The following ARSB variants were observed in gnomAD, a reference collection of about 807,000 sequenced individuals.
The protein encoded by ARSB is arylsulfatase B.
Under a neutral mutation model 50.9 loss-of-function variants are expected in ARSB, and 41 were observed. That is an observed-to-expected ratio of 0.81 (90% CI 0.63 to 1.04). ARSB has a LOEUF of 1.04. ARSB is among the 50% of genes least tolerant of loss of function. The probability of loss-of-function intolerance (pLI) is 0.00; values close to 1 mark genes in which losing one functional copy is unlikely to be tolerated. For missense variants in ARSB, 672 were observed against 693.3 expected (o/e 0.97, Z 0.35); for synonymous variants, 269 against 284.8 (o/e 0.94, Z 0.56).
chr5:78,969,432 A>G (rs1313405067), intron 1 of ARSB, among the ~76,000 whole-genome samples: 1 of 152,204 alleles, frequency 6.6e-6, no homozygotes, highest in Non-Finnish European at 1.5e-5. Flanking sequence ...TTCAATATTT[A>G]TCAAGGCACT....
At chr5:78,980,488 T>C (rs1235152899) in intron 1 of ARSB, among the ~76,000 whole-genome samples, 1 of 152,204 alleles carries the variant, frequency 6.6e-6, no homozygotes, top group Admixed American at 6.5e-5. Context: ...CTAAATAAAC[T>C]ACAATGTATC....
chr5:78,863,938 T>C (rs1476776327), intron 5 of ARSB, among the ~76,000 whole-genome samples: 1 of 151,988 alleles, frequency 6.6e-6, no homozygotes, highest in African/African-American at 2.4e-5. Context: ...TTTCATAGAA[T>C]AATGGTGGCC....
chr5:78,927,845 G>T (rs1389990858), intron 4 of ARSB, among the ~76,000 whole-genome samples: 1 of 152,182 alleles, frequency 6.6e-6, no homozygotes, highest in Non-Finnish European at 1.5e-5. Flanking sequence ...TCCAGAGACA[G>T]CAGGGGGCCA....
intron 3 of ARSB, among the ~76,000 whole-genome samples, chr5:78,957,808 C>T (rs1182731372): frequency 6.6e-6 from 1 of 152,026 alleles, no homozygotes; most frequent in African/African-American, 2.4e-5. Flanking sequence ...CGTGCAGGTG[C>T]ATCGCTGACC....
chr5:78,970,978 A>G (rs768520305), intron 1 of ARSB, among the ~76,000 whole-genome samples: 1 of 152,222 alleles, frequency 6.6e-6, no homozygotes, highest in Non-Finnish European at 1.5e-5. Flanking sequence ...AAAGAGAAAG[A>G]AAGAAAGAAA....
At chr5:78,820,800 G>A (rs1023363845) in intron 6 of ARSB, among the ~76,000 whole-genome samples, 38 of 151,662 alleles carry the variant, frequency 2.5e-4, no homozygotes, top group African/African-American at 8.5e-4. Flanking sequence ...CACTCAGGTC[G>A]TGACCACCAA....
chr5:78,976,252 C>T (rs1311790149), intron 1 of ARSB, among the ~76,000 whole-genome samples: 3 of 145,364 alleles, frequency 2.1e-5, no homozygotes, highest in African/African-American at 5.1e-5. Flanking sequence ...AATGTATTTC[C>T]TGGAGATGAT....
chr5:78,905,942 A>T (rs1460079402), intron 4 of ARSB, among the ~76,000 whole-genome samples: 1 of 146,150 alleles, frequency 6.8e-6, no homozygotes, highest in Non-Finnish European at 1.5e-5. Context: ...AAAAAAGAGG[A>T]AAATAACAGA....
At chr5:78,951,367 T>G (rs535520407) in intron 4 of ARSB, among the ~76,000 whole-genome samples, 5 of 152,178 alleles carry the variant, frequency 3.3e-5, no homozygotes, top group African/African-American at 4.8e-5. Flanking sequence ...AAAAGGGTAC[T>G]GATTGAAACA....
intron 4 of ARSB, among the ~76,000 whole-genome samples, chr5:78,932,959 T>G (rs1750403131): frequency 6.6e-6 from 1 of 152,188 alleles, no homozygotes; most frequent in African/African-American, 2.4e-5. Context: ...CCCTCCCTAC[T>G]ACGAAACAGC....
intron 6 of ARSB, among the ~76,000 whole-genome samples, chr5:78,795,081 G>T (rs1169575644): frequency 1.3e-5 from 2 of 152,120 alleles, no homozygotes; most frequent in African/African-American, 2.4e-5. Context: ...CCCATAATAG[G>T]GTCCCTGGCA....
At chr5:78,797,732 C>G (rs898339089) in intron 6 of ARSB, among the ~76,000 whole-genome samples, 18 of 152,176 alleles carry the variant, frequency 1.2e-4, no homozygotes, top group African/African-American at 4.3e-4. Flanking sequence ...CCTAAGATAG[C>G]TTTATGGGTA....
At chr5:78,806,585 A>G (rs1056595713) in intron 6 of ARSB, among the ~76,000 whole-genome samples, 3 of 152,138 alleles carry the variant, frequency 2.0e-5, no homozygotes, top group Non-Finnish European at 4.4e-5. Context: ...CCTCCTATTA[A>G]GTTCCTTGTC....
chr5:78,828,713 A>G (rs1273853752), intron 6 of ARSB, among the ~76,000 whole-genome samples: 2 of 152,218 alleles, frequency 1.3e-5, no homozygotes, highest in Admixed American at 6.5e-5. Flanking sequence ...CTAGGGCAAC[A>G]CAGCAGGTAT....
At chr5:78,796,563 CTAAG>C (rs1743182763) in intron 6 of ARSB, among the ~76,000 whole-genome samples, 1 of 152,234 alleles carries the variant, frequency 6.6e-6, no homozygotes, top group South Asian at 2.1e-4. Flanking sequence ...TTTTCAGTCT[CTAAG>C]TGAGACAATG....
chr5:78,874,592 T>C (rs1214718643), intron 5 of ARSB, among the ~76,000 whole-genome samples: 1 of 151,672 alleles, frequency 6.6e-6, no homozygotes, highest in Non-Finnish European at 1.5e-5. Context: ...AACTACTAAA[T>C]AAAAGGTCAA....
chr5:78,911,403 G>A (rs12655680), intron 4 of ARSB, among the ~76,000 whole-genome samples: 74,738 of 150,804 alleles, frequency 0.5, 18,813 homozygotes, highest in Middle Eastern at 0.6. Flanking sequence ...GTGAAACCCC[G>A]TCTCTACTAA....
chr5:78,976,361 A>C (rs1580155289), intron 1 of ARSB, among the ~76,000 whole-genome samples: 1 of 131,854 alleles, frequency 7.6e-6, no homozygotes, highest in Middle Eastern at 4.5e-3. Context: ...ATCCTGGCTC[A>C]CTGCAAACTC....
intron 4 of ARSB, among the ~76,000 whole-genome samples, chr5:78,947,258 C>G (rs1751281390): frequency 6.6e-6 from 1 of 152,006 alleles, no homozygotes; most frequent in Non-Finnish European, 1.5e-5. Context: ...GCACAGGTAA[C>G]CAAAGCAAAA....
Sources: gnomAD v4.1 joint callset for allele counts (sites outside exome capture counted in the v4.1 genomes callset) on GRCh38, gnomAD v4.1.1 for gene constraint, MANE v1.5 for transcripts, NCBI Gene and HGNC (gene_info 2026-07-23, HGNC 2026-07-21) for gene names.